Variants in HGS observed in about 807,000 individuals in gnomAD.
HGS encodes human growth factor-regulated tyrosine kinase substrate.
A neutral mutation model predicts 109.7 loss-of-function variants in HGS; 63 were observed. That is an observed-to-expected ratio of 0.57 (90% CI 0.47 to 0.71). The LOEUF is 0.71. HGS is among the 30% of genes least tolerant of loss of function. The probability of loss-of-function intolerance (pLI) is 0.00; values close to 1 mark genes in which losing one functional copy is unlikely to be tolerated. For missense variants in HGS, 995 were observed against 1,068.3 expected, an observed-to-expected ratio of 0.93 and a Z score of 0.96; for synonymous variants, 546 against 437.3, an observed-to-expected ratio of 1.25 and a Z score of -3.10.
At chr17:81,699,781 A>G (rs555907700) in intron 18 of HGS, among the ~76,000 whole-genome samples, 1 of 152,266 alleles carries the variant, frequency 6.6e-6, no homozygotes, top group Admixed American at 6.5e-5. Flanking sequence ...GTCACAACAA[A>G]AAGGAAAACT....
At chr17:81,697,262 GCCGATCCTC>G (rs1007566543) in intron 18 of HGS, 1 of 410,294 alleles carries the variant, frequency 2.4e-6, no homozygotes, top group African/African-American at 2.0e-5. Context: ...GTGCTGGGCT[GCCGATCCTC>G]GTCTGTAGCA....
At chr17:81,686,925 G>A (rs2036988438) in intron 3 of HGS, 78 bp from the exon 4 acceptor site, 2 of 1,161,280 alleles carry the variant, frequency 1.7e-6, no homozygotes, top group Non-Finnish European at 2.5e-6. Flanking sequence ...TGTCCCACAG[G>A]GAGGTGGGTC....
chr17:81,690,306 C>A, intron 6 of HGS, 72 bp downstream of exon 6: 1 of 1,509,508 alleles, frequency 6.6e-7, no homozygotes, highest in Non-Finnish European at 9.2e-7. Flanking sequence ...TGCTGGGAGC[C>A]CGGCTTGTTT....
Position 81,694,104 on chromosome 17 carries a change from C to T in HGS, c.936+139C>T, listed in dbSNP as rs544380683. On this transcript the variant is annotated intron_variant, in intron 11 of 21. Coordinates refer to ENST00000329138, the MANE Select transcript of HGS (RefSeq NM_004712.5). ...TCCCAGAGAGGACAGCCCCAGCACACGGGCGGACATCAGGGCAGAGCCCCA... is the reference window on the plus strand; with the variant it reads ...TCCCAGAGAGGACAGCCCCAGCACATGGGCGGACATCAGGGCAGAGCCCCA... The T allele has an allele frequency of 5.8e-4, 403 of 691,374 alleles. 1 individual carries two copies. In the African/African-American group the frequency reaches 5.9e-3, roughly 10 times the overall value. 42.8% of individuals were successfully genotyped at this position (691,374 alleles called of 1,614,324 possible). A position where few individuals can be genotyped will look rare whatever the true frequency, so the allele number is the denominator to read the frequency against.
intron 4 of HGS, among the ~76,000 whole-genome samples, chr17:81,687,453 G>A (rs1239383919): frequency 6.6e-6 from 1 of 152,188 alleles, no homozygotes; most frequent in Non-Finnish European, 1.5e-5. Context: ...GGTGGCTATC[G>A]TGTGTGAGAG....
rs1395745085 is a variant in HGS at position 81,695,198 on chromosome 17, C to T, written c.1154C>T (p.Pro385Leu). 6.2e-7 allele frequency: 1 copy of T among 1,614,192 alleles called. No homozygotes were observed. Among genetic ancestry groups the T allele is most frequent in the South Asian group, 1.1e-5 (1 of 91,088 alleles). The change falls in exon 14 of 22, where the codon CCT (proline) becomes CTT (leucine). Residue 385 changes from proline (P) to leucine (L), a missense_variant. Coordinates refer to ENST00000329138, the MANE Select transcript of HGS (RefSeq NM_004712.5). ...CCGGAGACAGACTCTCAGCCCATTC[C>T]TCCCTCTGGTGGCCCCTTTAGTGAG... ...PLPETDSQPI[P>L]PSGGPFSEPQ...
rs766728895 is a variant in HGS at position 81,696,511 on chromosome 17, A to G, written c.1548A>G (p.Ile516Met). 36 of 1,528,450 alleles carry G rather than the reference A, an allele frequency of 2.4e-5. No individual in the cohort carries two copies. The highest frequency in any genetic ancestry group is 2.7e-5 in the Non-Finnish European group (31 of 1,135,920). 94.7% of individuals were successfully genotyped at this position (1,528,450 alleles called of 1,614,324 possible). ...TCCAGCTGGCCCAGAAGCTGGAGAT[A>G]ATGCGGCAGAAGAAGCAGGTGCAGT... The part of the protein sequence containing the change: ...RQIQLAQKLE[I>M]MRQKKQEYLE... The change falls in exon 16 of 22, where the codon ATA (isoleucine) becomes ATG (methionine). Residue 516 changes from isoleucine to methionine, a missense_variant. Physicochemically the swap from Ile to Met is conservative, Grantham distance 10. Coordinates refer to ENST00000329138, the MANE Select transcript of HGS (RefSeq NM_004712.5).
rs958700306 is a variant in HGS at position 81,696,564 on chromosome 17, C to A, written c.1566+35C>A. 1.9e-6 allele frequency: 3 copies of A among 1,553,800 alleles called. No individual in the cohort carries two copies. The African/African-American group carries it at 4.1e-5, about 21-fold the overall frequency. On this transcript the variant is annotated intron_variant, in intron 16 of 21. Transcript: ENST00000329138. ...CTGCCCAGCCACAGGCCGGGGCCGG[C>A]TGGGGGACCTCGCAGCATAACCAGC...
Position 81,691,386 on chromosome 17 carries a change from C to T in HGS, c.538-61C>T. The T allele has an allele frequency of 1.2e-6, 2 of 1,604,674 alleles. No homozygotes were observed. The highest frequency in any genetic ancestry group is 2.2e-5 in the East Asian group (1 of 44,738). Reference sequence around the variant, plus strand: ...CGGCATCGTACGGGGTGGTTCTGGGCCGGGTGGCGCATCAGGGTCCCCCAG... The same window carrying T: ...CGGCATCGTACGGGGTGGTTCTGGGTCGGGTGGCGCATCAGGGTCCCCCAG... On this transcript the variant is annotated intron_variant, in intron 7 of 21. Coordinates refer to ENST00000329138, the MANE Select transcript of HGS (RefSeq NM_004712.5). The surrounding 1 kb of genome is among the most constrained non-coding windows in gnomAD (Gnocchi z 5.3).
intron 18 of HGS, chr17:81,698,102 C>T (rs1482910214): frequency 2.0e-5 from 3 of 152,052 alleles, no homozygotes; most frequent in African/African-American, 7.2e-5. Context: ...AGTTCAAGAC[C>T]AGCCTGCCAG....
Position 81,701,931 on chromosome 17 carries a change from C to T in HGS, c.*313C>T, listed in dbSNP as rs1312335544. The T allele has an allele frequency of 7.9e-6, 2 of 254,226 alleles. No individual in the cohort carries two copies. The highest frequency in any genetic ancestry group is 8.1e-5 in the East Asian group (1 of 12,360). 15.7% of individuals were successfully genotyped at this position (254,226 alleles called of 1,614,324 possible). The stretch of plus-strand genomic sequence containing the variant: ...ATGGGGACCCTCACCCCCCAAGCAG[C>T]CTGTGCCCTCTGGCCGCACTGTGAG... On this transcript the variant is annotated 3_prime_UTR_variant, in exon 22 of 22. Transcript: ENST00000329138.
chr17:81,696,574 T>C lies in HGS; in HGVS notation c.1567-33T>C, dbSNP rs771038555. On this transcript the variant is annotated intron_variant, in intron 16 of 21. Coordinates refer to ENST00000329138, the MANE Select transcript of HGS (RefSeq NM_004712.5). The stretch of plus-strand genomic sequence containing the variant: ...ACAGGCCGGGGCCGGCTGGGGGACC[T>C]CGCAGCATAACCAGCATGTTTTTGC... 3 of 1,561,072 alleles carry C rather than the reference T, an allele frequency of 1.9e-6. No homozygotes were observed. The South Asian group carries it at 3.5e-5, about 18-fold the overall frequency.
chr17:81,689,991 G>A (rs753035532), intron 5 of HGS, among the ~76,000 whole-genome samples, 191 bp from the exon 6 acceptor site: 6 of 152,146 alleles, frequency 3.9e-5, no homozygotes, highest in African/African-American at 7.2e-5. Context: ...CTTGTCTCCC[G>A]CCACAGTGAG....
Position 81,696,524 on chromosome 17 carries a change from A to C in HGS, c.1561A>C (p.Lys521Gln), listed in dbSNP as rs759995948. ...GAAGCTGGAGATAATGCGGCAGAAGAAGCAGGTGCAGTGGCTGCCCAGCCA... is the reference window on the plus strand; with the variant it reads ...GAAGCTGGAGATAATGCGGCAGAAGCAGCAGGTGCAGTGGCTGCCCAGCCA... ...AQKLEIMRQKKQEYLEVQRQL... is the reference protein window; with the variant it reads ...AQKLEIMRQKQQEYLEVQRQL... The change falls in exon 16 of 22, where the codon AAG (lysine) becomes CAG (glutamine). Residue 521 changes from lysine to glutamine, a missense_variant. Lys to Gln is a moderately conservative substitution (Grantham distance 53). This residue lies in a region of HGS where 163 missense variants were observed against 217.8 expected (regional missense o/e 0.75). Transcript: ENST00000329138. 6 of 1,530,490 alleles carry C rather than the reference A, an allele frequency of 3.9e-6. No individual in the cohort carries two copies. The highest frequency in any genetic ancestry group is 1.4e-5 in the African/African-American group (1 of 72,888). 94.8% of individuals were successfully genotyped at this position (1,530,490 alleles called of 1,614,324 possible). A position where few individuals can be genotyped will look rare whatever the true frequency, so the allele number is the denominator to read the frequency against.
rs769758521 is a variant in HGS at position 81,690,728 on chromosome 17, G to A, written c.523G>A (p.Val175Met). 3.7e-6 allele frequency: 6 copies of A among 1,613,082 alleles called. No homozygotes were observed. Among genetic ancestry groups the A allele is most frequent in the African/African-American group, 1.3e-5 (1 of 75,052 alleles). The change falls in exon 7 of 22, where the codon GTG (valine) becomes ATG (methionine). Residue 175 changes from valine (V) to methionine (M), a missense_variant. Transcript: ENST00000329138. ...ECHRCRVQFG[V>M]MTRKHHCRAC... ...CCACCGCTGCAGGGTGCAGTTCGGGGTGATGACCCGTAAGGTGAGTTCCCA... is the reference window on the plus strand; with the variant it reads ...CCACCGCTGCAGGGTGCAGTTCGGGATGATGACCCGTAAGGTGAGTTCCCA...
At chr17:81,700,673 A>G in intron 19 of HGS, 22 bp from the exon 20 acceptor site, 1 of 1,191,426 alleles carries the variant, frequency 8.4e-7, no homozygotes, top group South Asian at 1.2e-5. Flanking sequence ...CCCTTCTCCC[A>G]TGGCACTCAT....
At chr17:81,699,437 C>CT (rs1473850316) in intron 18 of HGS, among the ~76,000 whole-genome samples, 1 of 152,190 alleles carries the variant, frequency 6.6e-6, no homozygotes, top group African/African-American at 2.4e-5. Context: ...GGTTTATCTT[C>CT]TTTTTTGAGA....
chr17:81,690,463 C>T, intron 6 of HGS: 1 of 636,462 alleles, frequency 1.6e-6, no homozygotes, highest in Non-Finnish European at 2.7e-6. Flanking sequence ...GAAAGGAAAA[C>T]AAGCACCTTT....
rs2037106424 is a variant in HGS at position 81,693,964 on chromosome 17, T to C, written c.935T>C (p.Val312Ala). 1.9e-6 allele frequency: 3 copies of C among 1,606,936 alleles called. No individual in the cohort carries two copies. In the South Asian group the frequency reaches 3.3e-5, roughly 18 times the overall value. Residue 312 changes from valine to alanine, a missense_variant and splice_region_variant, in exon 11 of 22, where the codon GTG (valine) becomes GCG (alanine). By Grantham distance (64) the Val-to-Ala change is moderately conservative. Around this residue, in one of 6 missense-constraint regions of HGS, gnomAD observed 300 missense variants for 235.4 expected, o/e 1.27. Transcript: ENST00000329138. ...GCCAGCAGCCTGTACTCTTCACCTG[T>C]GGTGAGCGGCCCTTGGGCTGGAGCT... ...PPASSLYSSP[V>A]NSSAPLAEDI...
Sources: allele counts gnomAD v4.1 joint callset (sites outside exome capture counted in the v4.1 genomes callset), GRCh38; gene constraint gnomAD v4.1.1; regional missense constraint gnomAD v4.1.1; non-coding constraint Gnocchi (gnomAD v3.1); transcripts MANE v1.5; gene names NCBI Gene and HGNC (gene_info 2026-07-23, HGNC 2026-07-21).